The following PPP3CC variants were observed in gnomAD, a reference collection of about 807,000 sequenced individuals.
PPP3CC encodes serine/threonine-protein phosphatase 2B catalytic subunit gamma isoform.
Under a neutral mutation model 60.3 loss-of-function variants are expected in PPP3CC, and 35 were observed. The observed-to-expected ratio is 0.58, with a 90% CI of 0.44 to 0.77. The LOEUF (loss-of-function observed/expected upper bound fraction) is 0.77, where lower values mean the gene tolerates loss of function less well. PPP3CC is among the 30% of genes least tolerant of loss of function. The pLI is 0.00. For synonymous variants in PPP3CC, 206 were observed against 224.3 expected (o/e 0.92, Z 0.73); for missense variants, 570 against 628.9 (o/e 0.91, Z 1.00).
Position 22,534,196 on chromosome 8 carries a change from C to CAAA in PPP3CC, c.1321+1193_1321+1195dup, listed in dbSNP as rs35668611. On this transcript the variant is annotated intron_variant, in intron 12 of 13. Coordinates refer to ENST00000240139, the MANE Select transcript of PPP3CC (RefSeq NM_005605.5). ...CCCGGATCACAGACCAAGACTGTTT[C>CAAA]AAAAAAAAAAAAAAAAACAAACACC... 1.5e-3 allele frequency among the ~76,000 whole-genome samples: 168 copies of CAAA among 114,914 alleles called. 1 individual carries two copies. The highest frequency in any genetic ancestry group is 4.4e-3 in the African/African-American group (132 of 30,122). 75.4% of individuals were successfully genotyped at this position (114,914 alleles called of 152,430 possible). A position where few individuals can be genotyped will look rare whatever the true frequency, so the allele number is the denominator to read the frequency against.
At chr8:22,456,735 C>T (rs1053483166) in intron 1 of PPP3CC, among the ~76,000 whole-genome samples, 1 of 152,200 alleles carries the variant, frequency 6.6e-6, no homozygotes, top group Non-Finnish European at 1.5e-5. Flanking sequence ...GTTACTTCCC[C>T]TGTATAGCTA....
intron 3 of PPP3CC, among the ~76,000 whole-genome samples, chr8:22,478,897 A>G (rs897865951): frequency 1.3e-5 from 2 of 152,210 alleles, no homozygotes; most frequent in African/African-American, 4.8e-5. Flanking sequence ...GTTTGTATTT[A>G]GCTTTATTCT....
rs151088445 is a variant in PPP3CC at position 22,528,538 on chromosome 8, T to C, written c.1102T>C (p.Cys368Arg). 1.7e-5 allele frequency: 27 copies of C among 1,567,276 alleles called. No homozygotes were observed. The highest frequency in any genetic ancestry group is 7.0e-5 in the Admixed American group (4 of 57,252). Residue 368 changes from cysteine to arginine, a missense_variant, in exon 10 of 14, where the codon TGC (cysteine) becomes CGC (arginine). Transcript: ENST00000240139. ...TEMLVNVLNI[C>R]SDDELISDDE... ...GATGCTGGTAAATGTGCTCAACATA[T>C]GCTCTGATGACGAACTGATTTCTGA...
intron 1 of PPP3CC, among the ~76,000 whole-genome samples, chr8:22,450,046 T>C (rs1836963232): frequency 6.6e-6 from 1 of 151,902 alleles, no homozygotes; most frequent in Non-Finnish European, 1.5e-5. Context: ...TTTTTTTGTA[T>C]TTTTAGTAGA....
At chr8:22,531,686 G>C (rs1004051888) in intron 10 of PPP3CC, among the ~76,000 whole-genome samples, 2 of 152,224 alleles carry the variant, frequency 1.3e-5, no homozygotes, top group Admixed American at 1.3e-4. Flanking sequence ...ACAGTTGTAA[G>C]TAGTATCGTG....
intron 8 of PPP3CC, among the ~76,000 whole-genome samples, chr8:22,525,171 A>G (rs1023309069): frequency 1.3e-5 from 2 of 152,158 alleles, no homozygotes; most frequent in African/African-American, 4.8e-5. Flanking sequence ...AAAAAAAGTA[A>G]AAGCCACAGT....
chr8:22,526,212 C>G (rs1331609808), intron 8 of PPP3CC, among the ~76,000 whole-genome samples: 1 of 152,090 alleles, frequency 6.6e-6, no homozygotes, highest in Non-Finnish European at 1.5e-5. Context: ...CACGAAAGAC[C>G]TTTAATCATG....
chr8:22,490,412 T>C (rs1838365740), intron 3 of PPP3CC, among the ~76,000 whole-genome samples: 1 of 152,146 alleles, frequency 6.6e-6, no homozygotes, highest in Admixed American at 6.6e-5. Context: ...TGTAGTGCTA[T>C]TTATACTGTT....
intron 4 of PPP3CC, among the ~76,000 whole-genome samples, chr8:22,508,511 C>T (rs1434360170): frequency 6.6e-6 from 1 of 152,072 alleles, no homozygotes; most frequent in Non-Finnish European, 1.5e-5. Flanking sequence ...TTTTGACCTC[C>T]TGTTTTAATT....
chr8:22,475,349 TTAG>T, intron 2 of PPP3CC, 148 bp from the exon 3 acceptor site: 1 of 999,978 alleles, frequency 1.0e-6, no homozygotes, highest in Non-Finnish European at 1.5e-6. Context: ...GTAGAACTAT[TTAG>T]TATGAGTAGA....
intron 4 of PPP3CC, among the ~76,000 whole-genome samples, chr8:22,503,426 G>T (rs1421762423): frequency 1.3e-5 from 2 of 152,164 alleles, no homozygotes; most frequent in Non-Finnish European, 2.9e-5. Context: ...GAGTAGATAC[G>T]TAGTGAAGAA....
intron 4 of PPP3CC, among the ~76,000 whole-genome samples, chr8:22,499,970 G>GT (rs1346295487): frequency 3.3e-5 from 5 of 152,094 alleles, no homozygotes; most frequent in African/African-American, 1.2e-4. Context: ...GTTCACTGTT[G>GT]TTTTCCCCAA....
intron 1 of PPP3CC, among the ~76,000 whole-genome samples, chr8:22,471,881 C>T (rs1273160016): frequency 6.6e-6 from 1 of 152,128 alleles, no homozygotes; most frequent in African/African-American, 2.4e-5. Context: ...AATCCCAGCA[C>T]TTTGGGATGC....
chr8:22,450,799 T>TTATA (rs371489389), intron 1 of PPP3CC, among the ~76,000 whole-genome samples: 23 of 133,288 alleles, frequency 1.7e-4, no homozygotes, highest in East Asian at 8.7e-4. Flanking sequence ...CCTACTTTAT[T>TTATA]TTTATTTATT....
At chr8:22,465,846 A>T (rs956289451) in intron 1 of PPP3CC, among the ~76,000 whole-genome samples, 1 of 152,036 alleles carries the variant, frequency 6.6e-6, no homozygotes, top group African/African-American at 2.4e-5. Flanking sequence ...TGCTTTTTTT[A>T]AAAAATTATT....
rs116930787 is a variant in PPP3CC at position 22,540,132 on chromosome 8, G to A, written c.1352-483G>A. Among the ~76,000 whole-genome samples the A allele has an allele frequency of 7.1e-3, 1,074 of 152,312 alleles. 9 individuals carry two copies. The highest frequency in any genetic ancestry group is 0.02 in the Middle Eastern group (6 of 294). On this transcript the variant is annotated intron_variant, in intron 13 of 13. Transcript: ENST00000240139. ...TAACTTATGTACAGCTCCTGGTTGT[G>A]CAAGATAGAAAGCTGTCCTAAACGA...
intron 6 of PPP3CC, among the ~76,000 whole-genome samples, chr8:22,518,796 C>T (rs1481910982): frequency 6.6e-6 from 1 of 152,184 alleles, no homozygotes; most frequent in South Asian, 2.1e-4. Flanking sequence ...AAGCAATTCT[C>T]CTGCCTCAGC....
At chr8:22,476,825 G>C (rs1246323374) in intron 3 of PPP3CC, among the ~76,000 whole-genome samples, 1 of 151,940 alleles carries the variant, frequency 6.6e-6, no homozygotes, top group Non-Finnish European at 1.5e-5. Flanking sequence ...CCAGCTACTT[G>C]GGAGGCTGAG....
intron 12 of PPP3CC, among the ~76,000 whole-genome samples, chr8:22,535,877 G>A (rs1434864282): frequency 6.6e-6 from 1 of 152,090 alleles, no homozygotes; most frequent in African/African-American, 2.4e-5. Flanking sequence ...AACTACAGGC[G>A]TACACCGCCA....
Sources: gnomAD v4.1 joint callset for allele counts (sites outside exome capture counted in the v4.1 genomes callset) on GRCh38, gnomAD v4.1.1 for gene constraint, MANE v1.5 for transcripts, NCBI Gene and HGNC (gene_info 2026-07-23, HGNC 2026-07-21) for gene names.